The following BBX variants were observed in gnomAD, a reference collection of about 807,000 sequenced individuals.
BBX encodes the protein HMG box transcription factor BBX.
A neutral mutation model predicts 100.2 loss-of-function variants in BBX; 30 were observed. The observed-to-expected ratio is 0.30, with a 90% CI of 0.22 to 0.41. The LOEUF is 0.41. BBX is among the 10% of genes least tolerant of loss of function. BBX has a pLI of 1.00. For missense variants in BBX, 1,023 were observed against 1,129.8 expected, an observed-to-expected ratio of 0.91 and a Z score of 1.35; for synonymous variants, 376 against 388.1, an observed-to-expected ratio of 0.97 and a Z score of 0.37.
At chr3:107,604,712 C>G (rs2054300609) in intron 2 of BBX, among the ~76,000 whole-genome samples, 1 of 151,870 alleles carries the variant, frequency 6.6e-6, no homozygotes, top group East Asian at 1.9e-4. Flanking sequence ...TAAATCAGGC[C>G]TCTCCTTCCC....
At chr3:107,576,714 C>G (rs547024497) in intron 2 of BBX, among the ~76,000 whole-genome samples, 1 of 139,246 alleles carries the variant, frequency 7.2e-6, no homozygotes, top group South Asian at 2.1e-4. Context: ...ATTGATTGAT[C>G]TATCTATCTA....
At chr3:107,727,013 G>A (rs1379229578) in intron 5 of BBX, among the ~76,000 whole-genome samples, 2 of 151,978 alleles carry the variant, frequency 1.3e-5, no homozygotes, top group Non-Finnish European at 2.9e-5. Context: ...TTTAAAATTG[G>A]TTGATGCTGG....
intron 3 of BBX, among the ~76,000 whole-genome samples, chr3:107,687,282 T>C (rs1046417070): frequency 3.3e-5 from 5 of 151,596 alleles, no homozygotes; most frequent in Non-Finnish European, 7.4e-5. Context: ...GAGACAAATA[T>C]ACAAAACAGC....
Position 107,710,624 on chromosome 3 carries a change from T to G in BBX, c.162+2T>G. 1 of 1,604,478 alleles carries G rather than the reference T, an allele frequency of 6.2e-7. No homozygotes were observed. The highest frequency in any genetic ancestry group is 8.5e-7 in the Non-Finnish European group (1 of 1,175,048). ...GACGAAGAGGAGGATATTGATAAGG[T>G]AAGTCCTATATTTACCATAGAAGTT... On this transcript the variant is annotated splice_donor_variant, in intron 4 of 17. Coordinates refer to ENST00000325805, the MANE Select transcript of BBX (RefSeq NM_001142568.3). LOFTEE classifies it high-confidence loss of function.
In BBX at chr3:107,791,311, A is replaced by G. The variant is rs376605489; in HGVS notation, c.2353+12A>G. ...TCACCCTACAGAAGGTAAGACAAGC[A>G]ATGTTATTTAATTTGAGACAATCGG... On this transcript the variant is annotated intron_variant, in intron 15 of 17. Transcript: ENST00000325805. 468 of 1,606,984 alleles carry G rather than the reference A, an allele frequency of 2.9e-4. No homozygotes were observed. Among genetic ancestry groups the G allele is most frequent in the Non-Finnish European group, 3.8e-4 (444 of 1,174,360 alleles).
intron 2 of BBX, among the ~76,000 whole-genome samples, chr3:107,538,498 A>G (rs1283958177): frequency 1.3e-5 from 2 of 152,170 alleles, no homozygotes; most frequent in Non-Finnish European, 2.9e-5. Context: ...TATATCCTTA[A>G]GAATTAGGAT....
At chr3:107,774,652 G>A in intron 11 of BBX, 67 bp from the exon 12 acceptor site, 1 of 1,530,394 alleles carries the variant, frequency 6.5e-7, no homozygotes, top group Non-Finnish European at 8.8e-7. Context: ...TGCTCGTGAA[G>A]CAACTAACAT....
chr3:107,712,183 T>G (rs36120511), intron 4 of BBX, among the ~76,000 whole-genome samples: 23,083 of 152,150 alleles, frequency 0.15, 2,028 homozygotes, highest in African/African-American at 0.23. Context: ...GGCCCCTCTT[T>G]CTATTTCTAC....
intron 2 of BBX, among the ~76,000 whole-genome samples, chr3:107,564,451 ACT>A (rs1216312026): frequency 6.6e-6 from 1 of 152,026 alleles, no homozygotes; most frequent in Non-Finnish European, 1.5e-5. Flanking sequence ...ACTATAAGAA[ACT>A]CTTTCGTATA....
At chr3:107,791,093 TTTAAGAA>T in intron 14 of BBX, 140 bp from the exon 15 acceptor site, 1 of 591,956 alleles carries the variant, frequency 1.7e-6, no homozygotes, top group Non-Finnish European at 3.0e-6. Flanking sequence ...CAAATACCAT[TTTAAGAA>T]TTAAGTAATT....
chr3:107,576,484 C>T (rs2051782879), intron 2 of BBX, among the ~76,000 whole-genome samples: 1 of 152,064 alleles, frequency 6.6e-6, no homozygotes, highest in African/African-American at 2.4e-5. Flanking sequence ...TGGGCAGTTT[C>T]TCATTTTCAG....
chr3:107,537,683 G>A (rs2048592652), intron 2 of BBX, among the ~76,000 whole-genome samples: 1 of 152,182 alleles, frequency 6.6e-6, no homozygotes, highest in Non-Finnish European at 1.5e-5. Context: ...TATGCATAGT[G>A]ATCTAGGTCT....
chr3:107,673,978 A>G (rs1335128928), intron 3 of BBX, among the ~76,000 whole-genome samples: 3 of 152,288 alleles, frequency 2.0e-5, no homozygotes, highest in Admixed American at 2.0e-4. Flanking sequence ...ACTGTTCTTT[A>G]CAAGTGGTAT....
intron 4 of BBX, among the ~76,000 whole-genome samples, chr3:107,713,143 A>T (rs1181523203): frequency 6.6e-6 from 1 of 152,184 alleles, no homozygotes; most frequent in Non-Finnish European, 1.5e-5. Context: ...CCCAAGCCAG[A>T]ATCACTCTTC....
At chr3:107,638,482 C>G (rs1008298800) in intron 2 of BBX, 22 of 152,194 alleles carry the variant, frequency 1.4e-4, no homozygotes, top group African/African-American at 5.3e-4. Context: ...GAGCAGACTC[C>G]TGTGTGTCTT....
rs566262964 is a variant in BBX at position 107,765,467 on chromosome 3, G to C, written c.907-7161G>C. On this transcript the variant is annotated intron_variant, in intron 10 of 17. Coordinates refer to ENST00000325805, the MANE Select transcript of BBX (RefSeq NM_001142568.3). ...TGGGTGTGGGTGTGTATGTGTGTGT[G>C]TGTGTGTATGTGTGTTTTCTTTTTT... Among the ~76,000 whole-genome samples the C allele has an allele frequency of 1.8e-4, 28 of 152,084 alleles. No individual in the cohort carries two copies. The East Asian group carries it at 4.1e-3, about 22-fold the overall frequency.
chr3:107,795,323 T>G (rs936926078), intron 15 of BBX, among the ~76,000 whole-genome samples: 1 of 152,174 alleles, frequency 6.6e-6, no homozygotes, highest in Non-Finnish European at 1.5e-5. Flanking sequence ...CCTTCCCTAA[T>G]TCTTCTGTCT....
intron 3 of BBX, among the ~76,000 whole-genome samples, chr3:107,673,323 C>A (rs1489113178): frequency 6.6e-6 from 1 of 151,970 alleles, no homozygotes; most frequent in Non-Finnish European, 1.5e-5. Context: ...TTGATTAGGG[C>A]AAAGAGTTTT....
chr3:107,561,642 A>G (rs960624749), intron 2 of BBX, among the ~76,000 whole-genome samples: 2 of 152,218 alleles, frequency 1.3e-5, no homozygotes, highest in East Asian at 1.9e-4. Flanking sequence ...TCATCCGTAT[A>G]TATTTTAGAA....
Sources: allele counts gnomAD v4.1 joint callset (sites outside exome capture counted in the v4.1 genomes callset), GRCh38; gene constraint gnomAD v4.1.1; transcripts MANE v1.5; gene names NCBI Gene and HGNC (gene_info 2026-07-23, HGNC 2026-07-21).